The following NCK2 variants were observed in gnomAD, a reference collection of about 807,000 sequenced individuals.
NCK2 encodes the protein cytoplasmic protein NCK2.
A neutral mutation model predicts 33.9 loss-of-function variants in NCK2; 16 were observed. That is an observed-to-expected ratio of 0.47 (90% confidence interval 0.32 to 0.72). The LOEUF (loss-of-function observed/expected upper bound fraction) is 0.72. Ranked by LOEUF, NCK2 falls within the 30% of genes least tolerant of loss-of-function variation. NCK2 has a pLI of 0.03. For synonymous variants in NCK2, 273 were observed against 239.9 expected (o/e 1.14, Z -1.27); for missense variants, 418 against 537.3 (o/e 0.78, Z 2.19).
At chr2:105,837,256 C>T (rs749163599) in intron 2 of NCK2, among the ~76,000 whole-genome samples, 1 of 152,156 alleles carries the variant, frequency 6.6e-6, no homozygotes, top group Non-Finnish European at 1.5e-5. Flanking sequence ...ATCTTAATGA[C>T]GTCAAGCTCC....
chr2:105,822,732 C>T (rs1435272673), intron 2 of NCK2, among the ~76,000 whole-genome samples: 2 of 151,990 alleles, frequency 1.3e-5, no homozygotes, highest in African/African-American at 2.4e-5. Context: ...GAATACATAA[C>T]ATTCCATTCA....
In NCK2 at chr2:105,765,913, G is replaced by T. The variant is rs186068389; in HGVS notation, c.-201+20775G>T. 3.8e-3 allele frequency among the ~76,000 whole-genome samples: 574 copies of T among 151,856 alleles called. 7 individuals are homozygous for T. The highest frequency in any genetic ancestry group is 2.3e-3 in the South Asian group (11 of 4,780). On this transcript the variant is annotated intron_variant, in intron 1 of 4. Coordinates refer to ENST00000233154, the MANE Select transcript of NCK2 (RefSeq NM_003581.5). ...CTAGGTAAGCCACACCCAAACTCCAGACCCACAGAGACAATAAATATGTGG... is the reference window on the plus strand; with the variant it reads ...CTAGGTAAGCCACACCCAAACTCCATACCCACAGAGACAATAAATATGTGG...
chr2:105,777,229 A>G (rs1224642340), intron 1 of NCK2, among the ~76,000 whole-genome samples: 1 of 152,100 alleles, frequency 6.6e-6, no homozygotes, highest in Non-Finnish European at 1.5e-5. Flanking sequence ...TGCTGTCCCC[A>G]TAGCCACGAG....
chr2:105,750,037 A>AACACACACACAC (rs72315025), intron 1 of NCK2, among the ~76,000 whole-genome samples: 2,003 of 144,524 alleles, frequency 0.014, 19 homozygotes, highest in African/African-American at 0.024. Flanking sequence ...AAAGCAAACA[A>AACACACACACAC]ACACACACAC....
At chr2:105,802,742 G>C (rs192268784) in intron 1 of NCK2, among the ~76,000 whole-genome samples, 9 of 152,364 alleles carry the variant, frequency 5.9e-5, no homozygotes, top group Non-Finnish European at 1.0e-4. Flanking sequence ...CTGGGGATCA[G>C]ATTTCAACAT....
Position 105,830,795 on chromosome 2 carries a change from T to C in NCK2, c.-17+14182T>C, listed in dbSNP as rs1399222711. Among the ~76,000 whole-genome samples, 6 of 152,108 alleles carry C rather than the reference T, an allele frequency of 3.9e-5. No individual in the cohort carries two copies. In the East Asian group the frequency reaches 1.2e-3, roughly 29 times the overall value. On this transcript the variant is annotated intron_variant, in intron 2 of 4. Transcript: ENST00000233154. ...TGCATTTCTCTGATGATTAGTGATA[T>C]TGAGCATTTTTTTTGCTATACTTAT... is the stretch of plus-strand genomic sequence containing the variant.
intron 4 of NCK2, 121 bp from the exon 5 acceptor site, chr2:105,892,861 A>G: frequency 2.7e-6 from 2 of 749,516 alleles, no homozygotes; most frequent in Non-Finnish European, 4.1e-6. Context: ...AAAAAAAAAA[A>G]GCAGAGACCC....
At position 105,893,355 on chromosome 2, in the gene NCK2, C is replaced by T; in HGVS notation, c.*179C>T. 6.8e-6 allele frequency: 4 copies of T among 585,052 alleles called. No homozygotes were observed. Among genetic ancestry groups the T allele is most frequent in the South Asian group, 2.4e-5 (1 of 41,600 alleles). The allele number at this position is 585,052 out of a possible 1,614,324, so 36.2% of individuals were successfully genotyped here. A position where few individuals can be genotyped will look rare whatever the true frequency, so the allele number is the denominator to read the frequency against. ...GCCATCCAGGCCTCACACCCACACT[C>T]GAGCCCACCCGGCCGGCCAGCTTTA... is the stretch of plus-strand genomic sequence containing the variant. On this transcript the variant is annotated 3_prime_UTR_variant, in exon 5 of 5. Transcript: ENST00000233154.
intron 3 of NCK2, among the ~76,000 whole-genome samples, chr2:105,866,074 C>G (rs1197974929): frequency 1.3e-5 from 2 of 152,214 alleles, no homozygotes; most frequent in East Asian, 3.9e-4. Context: ...GCCGCCACAC[C>G]CAGTTGATTT....
intron 1 of NCK2, among the ~76,000 whole-genome samples, chr2:105,760,254 G>A (rs1239312088): frequency 2.6e-5 from 4 of 152,208 alleles, no homozygotes; most frequent in South Asian, 2.1e-4. Context: ...GCACTGTTGC[G>A]GAGGAGGTGA....
At chr2:105,754,019 G>A (rs1004458515) in intron 1 of NCK2, among the ~76,000 whole-genome samples, 1 of 152,188 alleles carries the variant, frequency 6.6e-6, no homozygotes, top group African/African-American at 2.4e-5. Flanking sequence ...TGTTAGGAGG[G>A]CCACTGGGGC....
chr2:105,804,974 T>C (rs1248978344), intron 1 of NCK2, among the ~76,000 whole-genome samples: 1 of 152,106 alleles, frequency 6.6e-6, no homozygotes, highest in Non-Finnish European at 1.5e-5. Flanking sequence ...ACTAAGGAAG[T>C]GGAAGTTTAT....
chr2:105,791,824 A>C (rs374403213), intron 1 of NCK2, among the ~76,000 whole-genome samples: 1 of 152,172 alleles, frequency 6.6e-6, no homozygotes, highest in African/African-American at 2.4e-5. Flanking sequence ...CAATATTTTC[A>C]TATCTGTTGT....
chr2:105,767,041 G>A (rs946200910), intron 1 of NCK2, among the ~76,000 whole-genome samples: 1 of 152,058 alleles, frequency 6.6e-6, no homozygotes, highest in East Asian at 1.9e-4. Context: ...CTTATGGTCA[G>A]CTACTCGTAT....
Position 105,854,893 on chromosome 2 carries a change from G to C in NCK2, c.-16-155G>C, listed in dbSNP as rs1292146481. On this transcript the variant is annotated intron_variant, in intron 2 of 4. Coordinates refer to ENST00000233154, the MANE Select transcript of NCK2 (RefSeq NM_003581.5). Reference sequence around the variant, plus strand: ...AACCAAATACTAAAGCTTGTTGAAAGAAGGTCATTTTAAAGTTGAGCATTT... The same window carrying C: ...AACCAAATACTAAAGCTTGTTGAAACAAGGTCATTTTAAAGTTGAGCATTT... The C allele has an allele frequency of 6.8e-6, 4 of 589,796 alleles. No homozygotes were observed. The African/African-American group carries it at 7.4e-5, about 11-fold the overall frequency. The allele number at this position is 589,796 out of a possible 1,614,324, so 36.5% of individuals were successfully genotyped here. A position where few individuals can be genotyped will look rare whatever the true frequency, so the allele number is the denominator to read the frequency against.
chr2:105,827,859 TTTCTG>T (rs2104513974), intron 2 of NCK2, among the ~76,000 whole-genome samples: 1 of 152,236 alleles, frequency 6.6e-6, no homozygotes, highest in South Asian at 2.1e-4. Flanking sequence ...GTCAGAGAGA[TTTCTG>T]TGATGATGAA....
chr2:105,888,539 G>T (rs10490695), intron 4 of NCK2, among the ~76,000 whole-genome samples: 34,668 of 152,162 alleles, frequency 0.23, 4,173 homozygotes, highest in Admixed American at 0.33. Flanking sequence ...ATAGAAAATT[G>T]TAATGAGTGT....
At chr2:105,818,692 A>T (rs1017137982) in intron 2 of NCK2, among the ~76,000 whole-genome samples, 3 of 152,172 alleles carry the variant, frequency 2.0e-5, no homozygotes, top group Non-Finnish European at 4.4e-5. Flanking sequence ...ACATTTGTAT[A>T]AAAAAACTTT....
chr2:105,841,055 G>A (rs1369094325), intron 2 of NCK2, among the ~76,000 whole-genome samples: 1 of 152,146 alleles, frequency 6.6e-6, no homozygotes, highest in Non-Finnish European at 1.5e-5. Context: ...TGGATTACAA[G>A]CTTATCTTCC....
Sources: allele counts gnomAD v4.1 joint callset (sites outside exome capture counted in the v4.1 genomes callset), GRCh38; gene constraint gnomAD v4.1.1; transcripts MANE v1.5; gene names NCBI Gene and HGNC (gene_info 2026-07-23, HGNC 2026-07-21).